Variants in SPINT1 observed in about 807,000 individuals in gnomAD.
The protein encoded by SPINT1 is kunitz-type protease inhibitor 1.
SPINT1 carries 38 observed loss-of-function variants against 53.7 expected under a neutral mutation model. That is an observed-to-expected ratio of 0.71 (90% CI 0.55 to 0.93). The LOEUF is 0.93. Among genes scored for constraint, SPINT1 ranks in the 40% least tolerant of loss-of-function variants. The pLI is 0.00. For missense variants in SPINT1, 645 were observed against 692.9 expected (o/e 0.93, Z 0.78); for synonymous variants, 283 against 280.6 (o/e 1.01, Z -0.08).
Position 40,857,525 on chromosome 15 carries a change from T to TCAGCCCCACCCTGGCCTAGAC in SPINT1, c.*555_*575dup, listed in dbSNP as rs1891688045. ...CCAAGATTGAGCTCTCTGCCCTTGA[T>TCAGCCCCACCCTGGCCTAGAC]CAGCCCCACCCTGGCCTAGACCAGC... is the stretch of plus-strand genomic sequence containing the variant. On this transcript the variant is annotated 3_prime_UTR_variant, in exon 11 of 11. Transcript: ENST00000562057. The TCAGCCCCACCCTGGCCTAGAC allele has an allele frequency of 6.5e-6, 1 of 153,104 alleles. No individual in the cohort carries two copies. Among genetic ancestry groups the TCAGCCCCACCCTGGCCTAGAC allele is most frequent in the Admixed American group, 6.5e-5 (1 of 15,332 alleles). 9.5% of individuals were successfully genotyped at this position (153,104 alleles called of 1,614,324 possible). A position where few individuals can be genotyped will look rare whatever the true frequency, so the allele number is the denominator to read the frequency against.
At position 40,844,611 on chromosome 15, in the gene SPINT1, C is replaced by G; in HGVS notation, c.57C>G (p.Ala19=). The G allele has an allele frequency of 8.1e-6, 13 of 1,609,852 alleles. No homozygotes were observed. Among genetic ancestry groups the G allele is most frequent in the South Asian group, 1.1e-5 (1 of 90,902 alleles). The change falls in exon 2 of 11, where the codon GCC becomes GCG. Residue 19 remains alanine (A), a synonymous_variant. Coordinates refer to ENST00000562057, the MANE Select transcript of SPINT1 (RefSeq NM_003710.4). The surrounding 1 kb of genome is among the most constrained non-coding windows in gnomAD (Gnocchi z 5.8). ...GCCTCGCCCCGGCCGGCATCCCTGC[C>G]GTCGCCTTGTGGCTTCTGTGCACGC... ...RARLAPAGIP[A]VALWLLCTLG... is the part of the protein sequence containing the mutation.
chr15:40,854,119 C>T (rs767021695), intron 6 of SPINT1, 33 bp downstream of exon 6: 12 of 1,526,172 alleles, frequency 7.9e-6, no homozygotes, highest in Non-Finnish European at 1.1e-5. Context: ...TCCCCCATCC[C>T]CACCACATCT....
intron 8 of SPINT1, among the ~76,000 whole-genome samples, chr15:40,854,894 G>A (rs1891588160): frequency 6.6e-6 from 1 of 152,108 alleles, no homozygotes; most frequent in Non-Finnish European, 1.5e-5. Flanking sequence ...TGTTTTCCAG[G>A]CATCACTCAT....
intron 8 of SPINT1, among the ~76,000 whole-genome samples, chr15:40,854,948 G>T (rs1891589597): frequency 6.6e-6 from 1 of 152,114 alleles, no homozygotes; most frequent in South Asian, 2.1e-4. Context: ...ACCACATATT[G>T]CTCAGATCTT....
intron 2 of SPINT1, among the ~76,000 whole-genome samples, chr15:40,851,642 A>G (rs949223838): frequency 6.6e-6 from 1 of 152,152 alleles, no homozygotes; most frequent in Non-Finnish European, 1.5e-5. Flanking sequence ...GTGGGGTCTT[A>G]TCTGCCCAAC....
rs537934098 is a variant in SPINT1, at chr15:40,857,622, G to A, written c.*647G>A. 6.6e-6 allele frequency: 1 copy of A among 152,394 alleles called. No individual in the cohort carries two copies. Among genetic ancestry groups the A allele is most frequent in the South Asian group, 2.1e-4 (1 of 4,828 alleles). 9.4% of individuals were successfully genotyped at this position (152,394 alleles called of 1,614,324 possible). On this transcript the variant is annotated 3_prime_UTR_variant, in exon 11 of 11. Transcript: ENST00000562057. ...CAAGGTTCTCCAACATCACAGCCCA[G>A]CCCGCCCACTGGGTAATAAAAGTGG...
chr15:40,856,469 C>A, intron 10 of SPINT1, 146 bp downstream of exon 10: 1 of 1,082,376 alleles, frequency 9.2e-7, no homozygotes, highest in Non-Finnish European at 1.4e-6. Context: ...AATGGGGATG[C>A]CTGCCACACA....
chr15:40,857,002 G>T lies in SPINT1; in HGVS notation c.*27G>T. 1 of 1,609,118 alleles carries T rather than the reference G, an allele frequency of 6.2e-7. No individual in the cohort carries two copies. ...CCTGGGTCTCACCGGCTCTCACCTG[G>T]CCCTGCTTCCTGCTTGCCAAGGCAG... On this transcript the variant is annotated 3_prime_UTR_variant, in exon 11 of 11. Transcript: ENST00000562057.
In SPINT1 at chr15:40,844,216, G is replaced by A; in HGVS notation, c.-66+30G>A. 2.4e-6 allele frequency: 1 copy of A among 423,464 alleles called. No individual in the cohort carries two copies. The highest frequency in any genetic ancestry group is 4.4e-6 in the Non-Finnish European group (1 of 228,886). The allele number at this position is 423,464 out of a possible 1,614,324, so 26.2% of individuals were successfully genotyped here. On this transcript the variant is annotated intron_variant, in intron 1 of 10. Transcript: ENST00000562057. This position sits in a 1 kb window ranked among gnomAD's most constrained non-coding sequence, Gnocchi z 5.8. ...CCCGGGCCCCCGCGCGCAAGGCCGA[G>A]GCGCAGGCGGAGCGGGCTGGAGCAT...
intron 3 of SPINT1, 86 bp downstream of exon 3, chr15:40,853,337 C>A: frequency 1.9e-6 from 3 of 1,604,518 alleles, no homozygotes; most frequent in Non-Finnish European, 2.6e-6. Flanking sequence ...CAACCAATGG[C>A]CCCGGATGGG....
chr15:40,851,401 T>G (rs904958480), intron 2 of SPINT1, among the ~76,000 whole-genome samples: 5 of 152,162 alleles, frequency 3.3e-5, no homozygotes, highest in African/African-American at 1.2e-4. Context: ...TCTGCCCGCC[T>G]TGGCCGCCCA....
intron 8 of SPINT1, among the ~76,000 whole-genome samples, chr15:40,855,075 A>G (rs1378295760): frequency 6.6e-6 from 1 of 152,200 alleles, no homozygotes. Flanking sequence ...ACAAATAAAT[A>G]TAATAAAACA....
chr15:40,850,860 G>A lies in SPINT1; in HGVS notation c.476-2264G>A, dbSNP rs548899286. Among the ~76,000 whole-genome samples, 92 of 152,282 alleles carry A rather than the reference G, an allele frequency of 6.0e-4. No individual in the cohort carries two copies. In the Middle Eastern group the frequency reaches 0.01, roughly 17 times the overall value. On this transcript the variant is annotated intron_variant, in intron 2 of 10. Coordinates refer to ENST00000562057, the MANE Select transcript of SPINT1 (RefSeq NM_003710.4). ...TAGCTGCTGCTCAGAGCTCAGGAGT[G>A]CTCCTGCTGCCCAAGCCCTGGGCCC...
At chr15:40,852,389 G>C (rs982173827) in intron 2 of SPINT1, among the ~76,000 whole-genome samples, 3 of 152,140 alleles carry the variant, frequency 2.0e-5, no homozygotes, top group Non-Finnish European at 4.4e-5. Flanking sequence ...GGGTTCCAGG[G>C]GTTAGATGTG....
rs1309925443 is a variant in SPINT1, at chr15:40,858,021, A to G, written c.*1046A>G. 6.6e-6 allele frequency: 1 copy of G among 152,144 alleles called. No individual in the cohort carries two copies. Among genetic ancestry groups the G allele is most frequent in the Non-Finnish European group, 1.5e-5 (1 of 68,016 alleles). 9.4% of individuals were successfully genotyped at this position (152,144 alleles called of 1,614,324 possible). On this transcript the variant is annotated 3_prime_UTR_variant, in exon 11 of 11. Coordinates refer to ENST00000562057, the MANE Select transcript of SPINT1 (RefSeq NM_003710.4). ...GGCTCCTACCTCCATGTTAGGGCCCAGGTGACTAGCTGTCTCCCTCCCAAC... is the reference window on the plus strand; with the variant it reads ...GGCTCCTACCTCCATGTTAGGGCCCGGGTGACTAGCTGTCTCCCTCCCAAC...
chr15:40,853,424 C>T, intron 3 of SPINT1, 65 bp from the exon 4 acceptor site: 4 of 1,612,302 alleles, frequency 2.5e-6, no homozygotes, highest in Non-Finnish European at 3.4e-6. Flanking sequence ...GTGTGTCTGG[C>T]CAGGCCTGGG....
At chr15:40,851,577 G>T (rs1311646078) in intron 2 of SPINT1, among the ~76,000 whole-genome samples, 1 of 151,994 alleles carries the variant, frequency 6.6e-6, no homozygotes, top group Non-Finnish European at 1.5e-5. Context: ...GCCTGCCATG[G>T]CCTCCTTTCT....
At chr15:40,856,704 A>C in intron 10 of SPINT1, 66 bp from the exon 11 acceptor site, 1 of 1,603,808 alleles carries the variant, frequency 6.2e-7, no homozygotes. Flanking sequence ...TCTTCCATAG[A>C]TTGGGGGTGG....
chr15:40,849,856 A>C (rs1363316387), intron 2 of SPINT1, among the ~76,000 whole-genome samples: 2 of 81,582 alleles, frequency 2.5e-5, no homozygotes, highest in Non-Finnish European at 7.5e-5. Context: ...GGGGTCAATA[A>C]ACTTTTTCTG....
Sources: gnomAD v4.1 joint callset for allele counts (sites outside exome capture counted in the v4.1 genomes callset) on GRCh38, gnomAD v4.1.1 for gene constraint, Gnocchi (gnomAD v3.1) non-coding constraint, MANE v1.5 for transcripts, NCBI Gene and HGNC (gene_info 2026-07-23, HGNC 2026-07-21) for gene names.